Variants in MACROD2 observed in about 807,000 individuals in gnomAD.
The protein encoded by MACROD2 is ADP-ribose glycohydrolase MACROD2.
A neutral mutation model predicts 70.4 loss-of-function variants in MACROD2; 36 were observed. That is an observed-to-expected ratio of 0.51 (90% confidence interval 0.39 to 0.68). The LOEUF is 0.68. MACROD2 is among the 30% of genes least tolerant of loss of function. The pLI, the probability that MACROD2 is intolerant of heterozygous loss-of-function variation, is 0.00. For missense variants in MACROD2, 496 were observed against 538.4 expected (o/e 0.92, Z 0.78); for synonymous variants, 172 against 178.8 (o/e 0.96, Z 0.30).
At chr20:15,491,875 C>T (rs2047235860) in intron 7 of MACROD2, among the ~76,000 whole-genome samples, 1 of 152,218 alleles carries the variant, frequency 6.6e-6, no homozygotes, top group South Asian at 2.1e-4. Flanking sequence ...TGCAGTGCAT[C>T]GTCAGCATCT....
Position 16,050,094 on chromosome 20 carries a change from C to T in MACROD2, c.*218C>T. The stretch of plus-strand genomic sequence containing the variant: ...AGTTTCCTTTAATTTGGTGGAGGGA[C>T]CCATGTTGACGCATCTTTCAGGCAT... On this transcript the variant is annotated 3_prime_UTR_variant, in exon 18 of 18. Transcript: ENST00000684519. 2.3e-6 allele frequency: 1 copy of T among 443,102 alleles called. No individual in the cohort carries two copies. The highest frequency in any genetic ancestry group is 4.1e-6 in the Non-Finnish European group (1 of 245,088). 27.4% of individuals were successfully genotyped at this position (443,102 alleles called of 1,614,324 possible).
chr20:15,064,821 C>A (rs182350184), intron 5 of MACROD2, among the ~76,000 whole-genome samples: 79 of 152,264 alleles, frequency 5.2e-4, no homozygotes, highest in African/African-American at 1.8e-3. Context: ...GCACTTATGT[C>A]CAAGTTTTAT....
intron 7 of MACROD2, among the ~76,000 whole-genome samples, chr20:15,492,014 T>C (rs1600489550): frequency 6.6e-6 from 1 of 152,252 alleles, no homozygotes; most frequent in African/African-American, 2.4e-5. Context: ...CCTTGCCTAC[T>C]AGGTGCCCCT....
chr20:15,390,500 A>G lies in MACROD2; in HGVS notation c.541-40905A>G, dbSNP rs899409662. On this transcript the variant is annotated intron_variant, in intron 6 of 17. Coordinates refer to ENST00000684519, the MANE Select transcript of MACROD2 (RefSeq NM_001351661.2). The stretch of plus-strand genomic sequence containing the variant: ...ACACTTTGTAGCCTTCAGAATCTAG[A>G]ACAGTGCTTGGCACATAGTAGGTGC... Among the ~76,000 whole-genome samples the G allele has an allele frequency of 2.6e-5, 4 of 152,320 alleles. No homozygotes were observed. In the East Asian group the frequency reaches 7.7e-4, roughly 29 times the overall value.
At chr20:15,318,725 T>C (rs994359662) in intron 6 of MACROD2, among the ~76,000 whole-genome samples, 2 of 152,102 alleles carry the variant, frequency 1.3e-5, no homozygotes, top group Non-Finnish European at 2.9e-5. Flanking sequence ...AAAATAATTA[T>C]CTTAACCAGT....
chr20:14,858,630 G>A lies in MACROD2; in HGVS notation c.418+173671G>A, dbSNP rs552099772. ...ACTTCTACCTACCCAAAGCACTTGG[G>A]TCAGTATACGTTTTAGTGCACTGAT... On this transcript the variant is annotated intron_variant, in intron 5 of 17. Coordinates refer to ENST00000684519, the MANE Select transcript of MACROD2 (RefSeq NM_001351661.2). 2.6e-5 allele frequency among the ~76,000 whole-genome samples: 4 copies of A among 152,196 alleles called. No homozygotes were observed. In the East Asian group the frequency reaches 7.7e-4, roughly 29 times the overall value.
intron 4 of MACROD2, among the ~76,000 whole-genome samples, chr20:14,537,279 A>G (rs2085377964): frequency 6.6e-6 from 1 of 152,210 alleles, no homozygotes; most frequent in East Asian, 1.9e-4. Flanking sequence ...GTTCCAGGAA[A>G]CAAGAATGAG....
intron 6 of MACROD2, among the ~76,000 whole-genome samples, chr20:15,286,891 G>C (rs1317188834): frequency 6.6e-6 from 1 of 152,086 alleles, no homozygotes; most frequent in Non-Finnish European, 1.5e-5. Context: ...TGAGGGGTAG[G>C]CATGGGTTGG....
At chr20:15,537,334 G>C (rs181813818) in intron 8 of MACROD2, among the ~76,000 whole-genome samples, 8 of 151,930 alleles carry the variant, frequency 5.3e-5, no homozygotes, top group Non-Finnish European at 1.2e-4. Context: ...AAATTACCCA[G>C]TCTTGGGTAT....
intron 3 of MACROD2, among the ~76,000 whole-genome samples, chr20:14,482,326 G>C (rs2084672275): frequency 6.6e-6 from 1 of 152,092 alleles, no homozygotes; most frequent in African/African-American, 2.4e-5. Context: ...ATTGTAAGTA[G>C]AATTGGCACT....
chr20:15,730,239 A>T (rs997363623), intron 8 of MACROD2, among the ~76,000 whole-genome samples: 3 of 152,166 alleles, frequency 2.0e-5, no homozygotes, highest in African/African-American at 7.2e-5. Context: ...TCCTGACATC[A>T]TGTTGTTAGC....
chr20:15,209,629 C>T (rs1157717545), intron 5 of MACROD2, among the ~76,000 whole-genome samples: 9 of 152,190 alleles, frequency 5.9e-5, no homozygotes, highest in African/African-American at 1.4e-4. Flanking sequence ...CCAAAATCCT[C>T]ACCTCACTAG....
chr20:14,206,169 CAAT>C, intron 3 of MACROD2, among the ~76,000 whole-genome samples: 1 of 152,312 alleles, frequency 6.6e-6, no homozygotes, highest in South Asian at 2.1e-4. Context: ...AAGTATCTTA[CAAT>C]ACATAGGATG....
At chr20:15,141,957 T>G (rs1179854299) in intron 5 of MACROD2, among the ~76,000 whole-genome samples, 1 of 152,158 alleles carries the variant, frequency 6.6e-6, no homozygotes, top group Non-Finnish European at 1.5e-5. Flanking sequence ...TCTTGTGTTC[T>G]CCGCTTCTTT....
At chr20:14,298,374 C>T (rs6079385) in intron 3 of MACROD2, among the ~76,000 whole-genome samples, 133,424 of 151,404 alleles carry the variant, frequency 0.88, 59,142 homozygotes, top group Non-Finnish European at 0.91. Context: ...TCGAGACCAG[C>T]CTGGCCAACA....
intron 9 of MACROD2, among the ~76,000 whole-genome samples, chr20:15,863,851 G>C (rs190398191): frequency 6.6e-6 from 1 of 152,092 alleles, no homozygotes; most frequent in Admixed American, 6.5e-5. Context: ...CAATGGAGAT[G>C]GTCAGCTCTC....
chr20:15,211,882 T>C (rs117660755), intron 5 of MACROD2, among the ~76,000 whole-genome samples: 702 of 152,356 alleles, frequency 4.6e-3, no homozygotes, highest in South Asian at 0.013. Flanking sequence ...CTTGGGTAGA[T>C]CCTAGCAGTG....
intron 4 of MACROD2, among the ~76,000 whole-genome samples, chr20:14,653,260 C>T (rs555459171): frequency 4.0e-5 from 6 of 151,132 alleles, no homozygotes; most frequent in Non-Finnish European, 8.8e-5. Flanking sequence ...GCTCTGTTGC[C>T]CAGGCTGGAG....
chr20:14,614,026 T>C (rs1335086290), intron 4 of MACROD2, among the ~76,000 whole-genome samples: 2 of 152,112 alleles, frequency 1.3e-5, no homozygotes, highest in Admixed American at 6.6e-5. Flanking sequence ...GATTTTCTAA[T>C]AAAATATTTT....
Sources: gnomAD v4.1 joint callset for allele counts (sites outside exome capture counted in the v4.1 genomes callset) on GRCh38, gnomAD v4.1.1 for gene constraint, MANE v1.5 for transcripts, NCBI Gene and HGNC (gene_info 2026-07-23, HGNC 2026-07-21) for gene names.